The following PTPRT variants were observed in gnomAD, a reference collection of about 807,000 sequenced individuals.
PTPRT encodes protein tyrosine phosphatase receptor type T.
In PTPRT, 56 loss-of-function variants were observed where a neutral mutation model predicts 176.8. The ratio of observed to expected loss-of-function variants is 0.32; its 90% CI spans 0.26 to 0.40. PTPRT has a LOEUF of 0.40. PTPRT is among the 10% of genes least tolerant of loss of function. The probability of loss-of-function intolerance (pLI) is 1.00; values close to 1 mark genes in which losing one functional copy is unlikely to be tolerated. For synonymous variants in PTPRT, 783 were observed against 739.0 expected, an observed-to-expected ratio of 1.06 and a Z score of -0.96; for missense variants, 1,540 against 1,908.2, an observed-to-expected ratio of 0.81 and a Z score of 3.60.
At chr20:42,726,470 A>G (rs114169829) in intron 6 of PTPRT, among the ~76,000 whole-genome samples, 1 of 152,318 alleles carries the variant, frequency 6.6e-6, no homozygotes, top group African/African-American at 2.4e-5. Flanking sequence ...CATAAAGACT[A>G]GGTCCTATTG....
rs934604728 is a variant in PTPRT, at chr20:43,111,656, G to A, written c.88+77990C>T. On this transcript the variant is annotated intron_variant, in intron 1 of 30. Transcript: ENST00000373187. ...AGGTTCTGTTTTAAAGAACAGAACT[G>A]TTTAAAGGAAAAAAATATGATCTGG... Among the ~76,000 whole-genome samples the A allele has an allele frequency of 4.0e-5, 6 of 151,674 alleles. No homozygotes were observed. The South Asian group carries it at 1.0e-3, about 26-fold the overall frequency.
At chr20:42,715,915 A>C (rs185491521) in intron 6 of PTPRT, among the ~76,000 whole-genome samples, 4 of 152,378 alleles carry the variant, frequency 2.6e-5, no homozygotes, top group Admixed American at 6.5e-5. Context: ...ATCTTGATTA[A>C]AAGAGTCCAT....
chr20:43,010,064 C>T (rs1985041703), intron 1 of PTPRT, among the ~76,000 whole-genome samples: 1 of 152,144 alleles, frequency 6.6e-6, no homozygotes. Context: ...CCTGCTACAT[C>T]CCATCCCTCA....
At chr20:42,837,614 A>G (rs1228091391) in intron 2 of PTPRT, among the ~76,000 whole-genome samples, 1 of 152,182 alleles carries the variant, frequency 6.6e-6, no homozygotes, top group Non-Finnish European at 1.5e-5. Context: ...GTAGCATTTA[A>G]CACTCACTAC....
chr20:43,108,400 A>G (rs565041681), intron 1 of PTPRT, among the ~76,000 whole-genome samples: 1 of 152,288 alleles, frequency 6.6e-6, no homozygotes, highest in African/African-American at 2.4e-5. Context: ...GCCAATCCCA[A>G]TGCTATCCTT....
chr20:42,378,917 G>C (rs557389136), intron 9 of PTPRT, among the ~76,000 whole-genome samples: 1 of 152,300 alleles, frequency 6.6e-6, no homozygotes, highest in African/African-American at 2.4e-5. Context: ...AGAGAAAAAA[G>C]AAATTCCTTG....
chr20:43,020,613 C>G (rs1157670859), intron 1 of PTPRT, among the ~76,000 whole-genome samples: 2 of 152,258 alleles, frequency 1.3e-5, no homozygotes, highest in African/African-American at 2.4e-5. Context: ...CCCTGCCATG[C>G]CCCACCACCC....
intron 1 of PTPRT, among the ~76,000 whole-genome samples, chr20:43,142,282 T>C (rs2014034239): frequency 6.6e-6 from 1 of 152,180 alleles, no homozygotes; most frequent in Non-Finnish European, 1.5e-5. Flanking sequence ...AAAGACAAGG[T>C]TGTGAGCCAG....
At chr20:43,095,770 C>T (rs2012115955) in intron 1 of PTPRT, among the ~76,000 whole-genome samples, 2 of 150,994 alleles carry the variant, frequency 1.3e-5, no homozygotes, top group Admixed American at 1.3e-4. Context: ...TCTCCAACCT[C>T]TCCCTCCCTT....
At chr20:42,667,359 G>A (rs928373332) in intron 7 of PTPRT, among the ~76,000 whole-genome samples, 1 of 152,146 alleles carries the variant, frequency 6.6e-6, no homozygotes, top group Non-Finnish European at 1.5e-5. Context: ...AGAATTACAA[G>A]TAAAATATTC....
intron 6 of PTPRT, among the ~76,000 whole-genome samples, chr20:42,681,455 G>A (rs1021772590): frequency 1.3e-5 from 2 of 152,196 alleles, no homozygotes; most frequent in Non-Finnish European, 2.9e-5. Context: ...CTTGCAGAGA[G>A]CACTTAGGGG....
intron 1 of PTPRT, among the ~76,000 whole-genome samples, chr20:43,086,427 C>T (rs1324623633): frequency 2.0e-5 from 3 of 152,170 alleles, no homozygotes; most frequent in Non-Finnish European, 4.4e-5. Context: ...CATATGCCAC[C>T]GTTTTATGCT....
At chr20:42,327,188 A>G (rs898306739) in intron 11 of PTPRT, among the ~76,000 whole-genome samples, 1 of 151,994 alleles carries the variant, frequency 6.6e-6, no homozygotes, top group Non-Finnish European at 1.5e-5. Context: ...AGAAAATTTT[A>G]TCACTTAGTG....
At chr20:43,055,337 G>A (rs1016865579) in intron 1 of PTPRT, among the ~76,000 whole-genome samples, 2 of 152,154 alleles carry the variant, frequency 1.3e-5, no homozygotes, top group African/African-American at 4.8e-5. Context: ...GTTTAGCTTG[G>A]CCTCCTTCAG....
chr20:42,058,845 C>G, the PTPRT span, among the ~76,000 whole-genome samples: 1 of 152,116 alleles, frequency 6.6e-6, no homozygotes, highest in African/African-American at 2.4e-5. Context: ...TTTCTAGGAG[C>G]TCCTGCCTCT....
At chr20:42,365,436 G>A (rs1021886590) in intron 9 of PTPRT, among the ~76,000 whole-genome samples, 33 of 152,026 alleles carry the variant, frequency 2.2e-4, no homozygotes, top group African/African-American at 5.8e-4. Context: ...GGCTTTATGC[G>A]TATTATGCAT....
chr20:42,526,621 T>A (rs1410728552), intron 7 of PTPRT, among the ~76,000 whole-genome samples: 2 of 152,186 alleles, frequency 1.3e-5, no homozygotes, highest in Admixed American at 6.5e-5. Context: ...TGGCAAGTGT[T>A]CTTTTTTTAA....
intron 7 of PTPRT, among the ~76,000 whole-genome samples, chr20:42,560,190 A>G (rs2072928977): frequency 6.6e-6 from 1 of 152,154 alleles, no homozygotes; most frequent in Admixed American, 6.5e-5. Flanking sequence ...CTGGAAGCCG[A>G]CTTCTACAGG....
chr20:43,067,324 G>C (rs1427037793), intron 1 of PTPRT, among the ~76,000 whole-genome samples: 1 of 152,110 alleles, frequency 6.6e-6, no homozygotes, highest in African/African-American at 2.4e-5. Flanking sequence ...TGGGGAGTGG[G>C]GGTTGGAGAG....
Sources: gnomAD v4.1 joint callset for allele counts (sites outside exome capture counted in the v4.1 genomes callset) on GRCh38, gnomAD v4.1.1 for gene constraint, MANE v1.5 for transcripts, NCBI Gene and HGNC (gene_info 2026-07-23, HGNC 2026-07-21) for gene names.